Variants in BTBD8 observed in about 807,000 individuals in gnomAD.
BTBD8 encodes the protein BTB/POZ domain-containing protein 8.
In BTBD8, 110 loss-of-function variants were observed where a neutral mutation model predicts 162.9. The ratio of observed to expected loss-of-function variants is 0.68; its 90% CI spans 0.58 to 0.79. The LOEUF (loss-of-function observed/expected upper bound fraction) is 0.79, where lower values mean the gene tolerates loss of function less well. Ranked by LOEUF, BTBD8 falls within the 30% of genes least tolerant of loss-of-function variation. The pLI is 0.00. For synonymous variants in BTBD8, 667 were observed against 716.1 expected (o/e 0.93, Z 1.10); for missense variants, 1,905 against 2,085.4 (o/e 0.91, Z 1.68).
At chr1:92,086,969 A>T (rs1350063565) in intron 1 of BTBD8, among the ~76,000 whole-genome samples, 1 of 152,162 alleles carries the variant, frequency 6.6e-6, no homozygotes, top group Non-Finnish European at 1.5e-5. Flanking sequence ...GTGGGCAAAG[A>T]TATGAGATGG....
Position 92,080,474 on chromosome 1 carries a change from G to A in BTBD8, c.-98G>A, listed in dbSNP as rs941847312. The A allele has an allele frequency of 7.8e-6, 12 of 1,537,866 alleles. No individual in the cohort carries two copies. Among genetic ancestry groups the A allele is most frequent in the Admixed American group, 2.1e-5 (1 of 47,096 alleles). ...TTACCCTAGGGGGCGGATTTGGGTA[G>A]GAGCCGAGCGTTCGGTCGGAAACGC... On this transcript the variant is annotated 5_prime_UTR_variant, in exon 1 of 18. Coordinates refer to ENST00000636805, the MANE Select transcript of BTBD8 (RefSeq NM_001376131.1).
chr1:92,142,223 A>G (rs1195416205), intron 7 of BTBD8, among the ~76,000 whole-genome samples: 8 of 152,244 alleles, frequency 5.3e-5, no homozygotes, highest in Non-Finnish European at 1.0e-4. Flanking sequence ...AGCTTTGTAG[A>G]AAGTGAGGAA....
At chr1:92,092,000 G>A (rs1333134678) in intron 2 of BTBD8, among the ~76,000 whole-genome samples, 1 of 152,100 alleles carries the variant, frequency 6.6e-6, no homozygotes, top group Non-Finnish European at 1.5e-5. Flanking sequence ...AAATTTATAT[G>A]TTGAAGCCTT....
intron 5 of BTBD8, among the ~76,000 whole-genome samples, chr1:92,133,072 T>C (rs1307821982): frequency 2.0e-5 from 3 of 152,222 alleles, no homozygotes; most frequent in Non-Finnish European, 4.4e-5. Flanking sequence ...AATTTTACTT[T>C]AAAAAATTAC....
chr1:92,082,680 C>T (rs1648051101), intron 1 of BTBD8, among the ~76,000 whole-genome samples: 1 of 152,080 alleles, frequency 6.6e-6, no homozygotes, highest in Non-Finnish European at 1.5e-5. Flanking sequence ...AGAGACACTC[C>T]TAGGTTACCT....
At chr1:92,085,527 G>A (rs1648134603) in intron 1 of BTBD8, among the ~76,000 whole-genome samples, 1 of 152,162 alleles carries the variant, frequency 6.6e-6, no homozygotes, top group Admixed American at 6.5e-5. Context: ...AGGAGGTAGA[G>A]GTGCACACCT....
chr1:92,126,570 A>T (rs532399649), intron 4 of BTBD8: 2 of 436,788 alleles, frequency 4.6e-6, no homozygotes, highest in Non-Finnish European at 9.0e-6. Flanking sequence ...CTGGCATCAC[A>T]GCTTCTTGTC....
At chr1:92,135,616 A>G (rs1649616182) in intron 5 of BTBD8, among the ~76,000 whole-genome samples, 1 of 152,184 alleles carries the variant, frequency 6.6e-6, no homozygotes. Context: ...TCAGTTGATC[A>G]TGTCTTATAA....
intron 2 of BTBD8, among the ~76,000 whole-genome samples, chr1:92,093,115 A>T (rs1648358666): frequency 6.6e-6 from 1 of 152,072 alleles, no homozygotes; most frequent in South Asian, 2.1e-4. Flanking sequence ...AGATACTTTA[A>T]GTACAACTTA....
In BTBD8 at chr1:92,138,905, C is replaced by T. The variant is rs577637514; in HGVS notation, c.753-445C>T. ...TTGTGTAATGAGTACGTTGGCCAAT[C>T]TTAGAGCCACTGACAGGTGTTACAA... On this transcript the variant is annotated intron_variant, in intron 5 of 17. Coordinates refer to ENST00000636805, the MANE Select transcript of BTBD8 (RefSeq NM_001376131.1). 2.6e-5 allele frequency among the ~76,000 whole-genome samples: 4 copies of T among 152,308 alleles called. No individual in the cohort carries two copies. In the South Asian group the frequency reaches 8.3e-4, roughly 32 times the overall value.
chr1:92,139,538 T>TTG, intron 6 of BTBD8, 108 bp downstream of exon 6: 1 of 1,414,440 alleles, frequency 7.1e-7, no homozygotes, highest in Non-Finnish European at 9.2e-7. Flanking sequence ...TTATAGTCTA[T>TTG]TATACTATAT....
At chr1:92,149,290 A>G (rs1649993158) in intron 9 of BTBD8, among the ~76,000 whole-genome samples, 1 of 152,218 alleles carries the variant, frequency 6.6e-6, no homozygotes, top group African/African-American at 2.4e-5. Flanking sequence ...CTACGTATTT[A>G]AGGTACAGAT....
chr1:92,099,239 T>C lies in BTBD8; in HGVS notation c.348-3234T>C, dbSNP rs143900324. Among the ~76,000 whole-genome samples the C allele has an allele frequency of 9.0e-3, 1,366 of 152,290 alleles. 16 individuals are homozygous for C. Among genetic ancestry groups the C allele is most frequent in the African/African-American group, 0.031 (1,284 of 41,554 alleles). On this transcript the variant is annotated intron_variant, in intron 2 of 17. Transcript: ENST00000636805. The stretch of plus-strand genomic sequence containing the variant: ...TGTTCTAGACTCAGTTCTATTCCAC[T>C]GATCTACATGTCCACCATTCTTATG...
chr1:92,126,404 C>A lies in BTBD8; in HGVS notation c.663-3283C>A, dbSNP rs149840443. On this transcript the variant is annotated intron_variant, in intron 4 of 17. Transcript: ENST00000636805. ...AGCCTAGATTTGAATGTGCTCTTGCCCAGGCTCAGACCTCCTCAAACGAAA... is the reference window on the plus strand; with the variant it reads ...AGCCTAGATTTGAATGTGCTCTTGCACAGGCTCAGACCTCCTCAAACGAAA... 393 of 841,030 alleles carry A rather than the reference C, an allele frequency of 4.7e-4. 3 individuals are homozygous for A. The African/African-American group carries it at 6.1e-3, about 13-fold the overall frequency. The allele number at this position is 841,030 out of a possible 1,614,324, so 52.1% of individuals were successfully genotyped here.
At chr1:92,131,722 T>C (rs561167009) in intron 5 of BTBD8, among the ~76,000 whole-genome samples, 74 of 131,634 alleles carry the variant, frequency 5.6e-4, no homozygotes, top group Non-Finnish European at 9.2e-4. Flanking sequence ...AGACTCTGTC[T>C]CAAAAAAAAA....
At chr1:92,149,885 C>G (rs935725437) in intron 9 of BTBD8, among the ~76,000 whole-genome samples, 1 of 152,148 alleles carries the variant, frequency 6.6e-6, no homozygotes, top group African/African-American at 2.4e-5. Context: ...GACATGAGCC[C>G]ATCCTTGTCA....
chr1:92,101,106 G>A (rs1235387528), intron 2 of BTBD8, among the ~76,000 whole-genome samples: 1 of 152,042 alleles, frequency 6.6e-6, no homozygotes, highest in Non-Finnish European at 1.5e-5. Flanking sequence ...AATCCCCATT[G>A]TCCATTGTAT....
chr1:92,088,764 C>G lies in BTBD8; in HGVS notation c.216C>G (p.His72Gln), dbSNP rs764165055. ...TGGGTTGTACTTTGTTCAAAGCACACAAAGCAGTCCTTTTAGCAAGAGTTC... is the reference window on the plus strand; with the variant it reads ...TGGGTTGTACTTTGTTCAAAGCACAGAAAGCAGTCCTTTTAGCAAGAGTTC... ...FSVGCTLFKA[H>Q]KAVLLARVPD... is the part of the protein sequence containing the mutation. The change falls in exon 2 of 18, where the codon CAC (histidine) becomes CAG (glutamine). Residue 72 changes from histidine to glutamine, a missense_variant. Coordinates refer to ENST00000636805, the MANE Select transcript of BTBD8 (RefSeq NM_001376131.1). 2.5e-6 allele frequency: 4 copies of G among 1,613,000 alleles called. No homozygotes were observed. The highest frequency in any genetic ancestry group is 3.4e-6 in the Non-Finnish European group (4 of 1,179,376).
chr1:92,134,395 GT>G (rs1320926857), intron 5 of BTBD8, among the ~76,000 whole-genome samples: 19 of 152,324 alleles, frequency 1.2e-4, no homozygotes, highest in Admixed American at 1.1e-3. Flanking sequence ...CCTCACTCTA[GT>G]TTTGTACCAT....
Sources: gnomAD v4.1 joint callset for allele counts (sites outside exome capture counted in the v4.1 genomes callset) on GRCh38, gnomAD v4.1.1 for gene constraint, MANE v1.5 for transcripts, NCBI Gene and HGNC (gene_info 2026-07-23, HGNC 2026-07-21) for gene names.